ARRB1: variants seen among roughly 807,000 people sequenced by gnomAD.
ARRB1 encodes the protein beta-arrestin-1.
ARRB1 carries 21 observed loss-of-function variants against 56.8 expected under a neutral mutation model. The observed-to-expected ratio is 0.37, with a 90% CI of 0.26 to 0.53. The LOEUF is 0.53. Among genes scored for constraint, ARRB1 ranks in the 20% least tolerant of loss-of-function variants. The pLI is 0.88. For synonymous variants in ARRB1, 210 were observed against 218.6 expected, an observed-to-expected ratio of 0.96 and a Z score of 0.35; for missense variants, 424 against 553.7, an observed-to-expected ratio of 0.77 and a Z score of 2.35.
In ARRB1 at chr11:75,272,972, C is replaced by G. The variant is rs752544793; in HGVS notation, c.921G>C (p.Arg307Ser). The change falls in exon 12 of 16, where the codon AGG becomes AGC. Residue 307 changes from arginine (R) to serine (S), a missense_variant. Arg to Ser is a moderately radical substitution (Grantham distance 110, BLOSUM62 -1). Around this residue, in one of 3 missense-constraint regions of ARRB1, gnomAD observed 121 missense variants for 147.3 expected, o/e 0.82. Transcript: ENST00000420843. ...DTNLASSTLL[R>S]EGANREILGI... The stretch of plus-strand genomic sequence containing the variant: ...CCAGGATCTCACGGTTGGCACCTTC[C>G]CTCAACCTGCAAAGTGACACAGGGG... 2.5e-6 allele frequency: 4 copies of G among 1,613,884 alleles called. No individual in the cohort carries two copies. The African/African-American group carries it at 5.3e-5, about 22-fold the overall frequency.
At chr11:75,290,172 G>C (rs111636704) in intron 1 of ARRB1, 133 bp from the exon 2 acceptor site, 9 of 1,028,706 alleles carry the variant, frequency 8.7e-6, no homozygotes, top group African/African-American at 4.8e-5. Context: ...CTTGAGATCC[G>C]AACAGTGCCC....
rs918474878 is a variant in ARRB1 at position 75,260,587 on chromosome 11, A to G, written c.*5576T>C. The G allele has an allele frequency of 7.2e-5, 11 of 152,136 alleles. No homozygotes were observed. Among genetic ancestry groups the G allele is most frequent in the African/African-American group, 2.7e-4 (11 of 41,394 alleles). The allele number at this position is 152,136 out of a possible 1,614,324, so 9.4% of individuals were successfully genotyped here. The stretch of plus-strand genomic sequence containing the variant: ...ACCCACCTCTCCTATGACCCTTGCA[A>G]TTGTCCCAGTGAGGTGGGAAGAGCC... On this transcript the variant is annotated 3_prime_UTR_variant, in exon 16 of 16. Transcript: ENST00000420843.
At chr11:75,313,150 C>T (rs753421102) in intron 1 of ARRB1, among the ~76,000 whole-genome samples, 10 of 152,014 alleles carry the variant, frequency 6.6e-5, no homozygotes, top group African/African-American at 1.7e-4. Flanking sequence ...GTCAGGAGTT[C>T]GAAACCAACC....
In ARRB1 at chr11:75,261,965, T is replaced by C. The variant is rs866832124; in HGVS notation, c.*4198A>G. On this transcript the variant is annotated 3_prime_UTR_variant, in exon 16 of 16. Coordinates refer to ENST00000420843, the MANE Select transcript of ARRB1 (RefSeq NM_004041.5). ...TGGGTGGAGAGCAACCAGTCCCCAG[T>C]GACAGGCAGGAGAGAAGCTGCCGCT... The C allele has an allele frequency of 1.3e-5, 2 of 152,288 alleles. No homozygotes were observed. The highest frequency in any genetic ancestry group is 3.4e-3 in the Middle Eastern group (1 of 296). The allele number at this position is 152,288 out of a possible 1,614,324, so 9.4% of individuals were successfully genotyped here. A position where few individuals can be genotyped will look rare whatever the true frequency, so the allele number is the denominator to read the frequency against.
intron 1 of ARRB1, among the ~76,000 whole-genome samples, chr11:75,293,905 C>T (rs1946665696): frequency 6.6e-6 from 1 of 152,270 alleles, no homozygotes; most frequent in Non-Finnish European, 1.5e-5. Flanking sequence ...GCTTTCTGGG[C>T]GGCTGCCCCA....
chr11:75,330,349 G>A (rs2075854808), intron 1 of ARRB1, among the ~76,000 whole-genome samples: 1 of 152,162 alleles, frequency 6.6e-6, no homozygotes, highest in South Asian at 2.1e-4. Context: ...TTGAAGGAAA[G>A]CTGTTTCTCC....
At chr11:75,289,705 T>C (rs1946560289) in intron 2 of ARRB1, among the ~76,000 whole-genome samples, 2 of 152,196 alleles carry the variant, frequency 1.3e-5, no homozygotes. Flanking sequence ...CGGCGCTTAC[T>C]GGTTGGCTTG....
At chr11:75,313,881 T>C (rs916806604) in intron 1 of ARRB1, among the ~76,000 whole-genome samples, 2 of 152,226 alleles carry the variant, frequency 1.3e-5, no homozygotes, top group South Asian at 2.1e-4. Flanking sequence ...CTGATGGCTA[T>C]TGAGTGCTTC....
At chr11:75,272,340 C>A (rs1017415246) in intron 12 of ARRB1, among the ~76,000 whole-genome samples, 1 of 152,216 alleles carries the variant, frequency 6.6e-6, no homozygotes, top group Non-Finnish European at 1.5e-5. Flanking sequence ...CAGGGCAGGG[C>A]AGTCTGGTCC....
At chr11:75,274,046 G>C in intron 11 of ARRB1, 28 bp downstream of exon 11, 2 of 1,613,942 alleles carry the variant, frequency 1.2e-6, no homozygotes, top group Non-Finnish European at 1.7e-6. Context: ...TGCACTAGGA[G>C]CCCAGGGCTA....
chr11:75,304,240 C>T (rs34772321), intron 1 of ARRB1, among the ~76,000 whole-genome samples: 5,271 of 152,184 alleles, frequency 0.035, 124 homozygotes, highest in South Asian at 0.052. Context: ...AATTCAAAAA[C>T]ATCATTAATT....
intron 13 of ARRB1, among the ~76,000 whole-genome samples, chr11:75,269,503 GGCCCCAGGGCCC>G (rs1281607046): frequency 6.6e-6 from 1 of 152,222 alleles, no homozygotes; most frequent in African/African-American, 2.4e-5. Context: ...GGTTTAGGAT[GGCCCCAGGGCCC>G]AAGGCTGATT....
chr11:75,300,370 A>G (rs1946871760), intron 1 of ARRB1, among the ~76,000 whole-genome samples: 2 of 152,192 alleles, frequency 1.3e-5, no homozygotes, highest in Admixed American at 6.5e-5. Context: ...TTCACAGATG[A>G]GAAAACTGAG....
chr11:75,274,181 G>A lies in ARRB1; in HGVS notation c.807C>T (p.Cys269=). Residue 269 remains cysteine, a synonymous_variant, in exon 11 of 16, where the codon TGC becomes TGT. Coordinates refer to ENST00000420843, the MANE Select transcript of ARRB1 (RefSeq NM_004041.5). Reference sequence around the variant, plus strand: ...GGAAGGGGGTCAGTGTGTAGACCTTGCAGAACGTCGAGCTGGGTGCCACAG... The same window carrying A: ...GGAAGGGGGTCAGTGTGTAGACCTTACAGAACGTCGAGCTGGGTGCCACAG... ...DDTVAPSSTF[C]KVYTLTPFLA... is the part of the protein sequence containing the mutation. 1.2e-6 allele frequency: 2 copies of A among 1,614,194 alleles called. No individual in the cohort carries two copies. Among genetic ancestry groups the A allele is most frequent in the South Asian group, 1.1e-5 (1 of 91,088 alleles).
At chr11:75,323,019 A>T (rs777630609) in intron 1 of ARRB1, among the ~76,000 whole-genome samples, 9 of 152,234 alleles carry the variant, frequency 5.9e-5, no homozygotes, top group Non-Finnish European at 1.2e-4. Context: ...GATATTATTC[A>T]TCTGGGTCAG....
intron 1 of ARRB1, among the ~76,000 whole-genome samples, chr11:75,341,650 T>C (rs1233371054): frequency 6.6e-6 from 1 of 152,164 alleles, no homozygotes; most frequent in Non-Finnish European, 1.5e-5. Context: ...GAGCCCCTCC[T>C]CCACACTCTC....
rs1947736611 is a variant in ARRB1, at chr11:75,344,459, G to A, written c.20+7129C>T. ...AGTAAGCAGTAGAGCATGCCTCTGG[G>A]ACCATTCTGAGATGGTGAGCCACAG... On this transcript the variant is annotated intron_variant, in intron 1 of 15. Coordinates refer to ENST00000420843, the MANE Select transcript of ARRB1 (RefSeq NM_004041.5). 2.0e-5 allele frequency among the ~76,000 whole-genome samples: 3 copies of A among 152,136 alleles called. 1 individual carries two copies. The highest frequency in any genetic ancestry group is 2.0e-4 in the Admixed American group (3 of 15,274).
At chr11:75,266,376 C>A (rs1945913249) in intron 15 of ARRB1, 102 bp from the exon 16 acceptor site, 9 of 907,818 alleles carry the variant, frequency 9.9e-6, no homozygotes, top group Non-Finnish European at 1.6e-5. Context: ...GGCTCTGGGG[C>A]CGGGGAGAAC....
chr11:75,281,943 TC>T lies in ARRB1; in HGVS notation c.414+18del, dbSNP rs756358092. The T allele has an allele frequency of 1.2e-5, 19 of 1,613,272 alleles. No homozygotes were observed. In the South Asian group the frequency reaches 1.2e-4, roughly 10 times the overall value. ...GAGACTCCTGGAGCCAGAGAGATGG[TC>T]CCCTTGGGGTGACCTACCTTCCCCG... On this transcript the variant is annotated intron_variant, in intron 6 of 15. Transcript: ENST00000420843.
Sources: allele counts gnomAD v4.1 joint callset (sites outside exome capture counted in the v4.1 genomes callset), GRCh38; gene constraint gnomAD v4.1.1; regional missense constraint gnomAD v4.1.1; transcripts MANE v1.5; gene names NCBI Gene and HGNC (gene_info 2026-07-23, HGNC 2026-07-21).